Variants in ELMOD1 observed in about 807,000 individuals in gnomAD.
ELMOD1 encodes ELMO domain-containing protein 1.
In ELMOD1, 21 loss-of-function variants were observed where a neutral mutation model predicts 46.7. The ratio of observed to expected loss-of-function variants is 0.45; its 90% CI spans 0.32 to 0.65. ELMOD1 has a LOEUF of 0.65. Among genes scored for constraint, ELMOD1 ranks in the 30% least tolerant of loss-of-function variants. ELMOD1 has a pLI of 0.04. For synonymous variants in ELMOD1, 122 were observed against 138.2 expected, an observed-to-expected ratio of 0.88 and a Z score of 0.82; for missense variants, 348 against 407.8, an observed-to-expected ratio of 0.85 and a Z score of 1.26.
At chr11:107,638,442 G>T (rs1448489728) in intron 6 of ELMOD1, among the ~76,000 whole-genome samples, 2 of 152,190 alleles carry the variant, frequency 1.3e-5, no homozygotes, top group Non-Finnish European at 2.9e-5. Context: ...AAGCTGAGCA[G>T]TGAAGTGGCT....
chr11:107,607,908 C>A (rs561358947), intron 1 of ELMOD1, among the ~76,000 whole-genome samples: 1 of 151,226 alleles, frequency 6.6e-6, no homozygotes, highest in South Asian at 2.1e-4. Context: ...TATTACTGAT[C>A]TTGAATGTAT....
At chr11:107,592,353 G>C (rs1250603600) in intron 1 of ELMOD1, 1 of 534,086 alleles carries the variant, frequency 1.9e-6, no homozygotes, top group Admixed American at 1.9e-5. Context: ...GTGGGCCGTA[G>C]ATTGGTACTA....
intron 6 of ELMOD1, among the ~76,000 whole-genome samples, chr11:107,641,266 T>C (rs1866317497): frequency 1.3e-5 from 2 of 151,762 alleles, no homozygotes; most frequent in African/African-American, 4.8e-5. Flanking sequence ...CACTCCTACC[T>C]GGGTGACAGA....
chr11:107,655,053 AC>A (rs1174980721), intron 10 of ELMOD1, among the ~76,000 whole-genome samples: 2 of 152,172 alleles, frequency 1.3e-5, no homozygotes, highest in African/African-American at 4.8e-5. Flanking sequence ...AAAAGTAATT[AC>A]AATTTATTAT....
chr11:107,653,444 A>G (rs1866561369), intron 9 of ELMOD1: 1 of 152,174 alleles, frequency 6.6e-6, no homozygotes, highest in South Asian at 2.1e-4. Flanking sequence ...CAAAGATGAA[A>G]ATGGAGCTGC....
chr11:107,604,704 C>G (rs1865658619), intron 1 of ELMOD1, among the ~76,000 whole-genome samples: 1 of 152,320 alleles, frequency 6.6e-6, no homozygotes, highest in Admixed American at 6.5e-5. Flanking sequence ...AAACATCTGT[C>G]AAGCCATGCA....
intron 6 of ELMOD1, among the ~76,000 whole-genome samples, chr11:107,646,010 A>T (rs1866421170): frequency 6.6e-6 from 1 of 152,224 alleles, no homozygotes; most frequent in African/African-American, 2.4e-5. Flanking sequence ...AGCAATTTAG[A>T]AATTGAATTA....
intron 5 of ELMOD1, among the ~76,000 whole-genome samples, chr11:107,633,806 G>A (rs942639404): frequency 5.9e-5 from 9 of 151,872 alleles, no homozygotes; most frequent in Admixed American, 6.6e-5. Flanking sequence ...CAAAATTAAC[G>A]CTATTCTCCA....
chr11:107,655,904 C>G (rs1866621739), intron 10 of ELMOD1, 29 bp from the exon 11 acceptor site: 1 of 1,594,440 alleles, frequency 6.3e-7, no homozygotes, highest in Non-Finnish European at 8.6e-7. Flanking sequence ...ATGTGACACA[C>G]AGTTGGTTTT....
At position 107,654,145 on chromosome 11, in the gene ELMOD1, T is replaced by G. The variant is rs191244260; in HGVS notation, c.648-27T>G. Reference sequence around the variant, plus strand: ...TACCAATTAGAGGTTAAATCTGACTTACTTACTTATTCATTCATCCATTCA... The same window carrying G: ...TACCAATTAGAGGTTAAATCTGACTGACTTACTTATTCATTCATCCATTCA... On this transcript the variant is annotated intron_variant, in intron 9 of 11. Coordinates refer to ENST00000265840, the MANE Select transcript of ELMOD1 (RefSeq NM_018712.4). 1,475 of 1,556,128 alleles carry G rather than the reference T, an allele frequency of 9.5e-4. 1 individual carries two copies. Among genetic ancestry groups the G allele is most frequent in the Non-Finnish European group, 1.2e-3 (1,356 of 1,147,122 alleles).
At chr11:107,664,487 T>C (rs995593557) in intron 11 of ELMOD1, among the ~76,000 whole-genome samples, 1 of 152,246 alleles carries the variant, frequency 6.6e-6, no homozygotes, top group African/African-American at 2.4e-5. Flanking sequence ...GGAAGTCTTA[T>C]TAACAATTTC....
At chr11:107,626,332 T>C (rs1866039922) in intron 2 of ELMOD1, among the ~76,000 whole-genome samples, 1 of 140,578 alleles carries the variant, frequency 7.1e-6, no homozygotes, top group South Asian at 2.2e-4. Flanking sequence ...GGGTTCTGTC[T>C]CACAGGTACA....
At chr11:107,662,470 C>A (rs1229781950) in intron 11 of ELMOD1, among the ~76,000 whole-genome samples, 1 of 151,012 alleles carries the variant, frequency 6.6e-6, no homozygotes, top group Non-Finnish European at 1.5e-5. Flanking sequence ...ATCAGCCAGG[C>A]GTGGTGGCGC....
intron 1 of ELMOD1, chr11:107,591,852 A>C (rs958470879): frequency 8.4e-6 from 4 of 477,450 alleles, no homozygotes; most frequent in Non-Finnish European, 1.3e-5. Context: ...TCCAGGGAGG[A>C]GCTAGGCAGC....
intron 1 of ELMOD1, among the ~76,000 whole-genome samples, chr11:107,602,269 T>A (rs1865613188): frequency 1.3e-5 from 2 of 152,224 alleles, no homozygotes; most frequent in Admixed American, 6.5e-5. Flanking sequence ...CTGGAAACTT[T>A]CTTGTGAAAT....
chr11:107,591,338 T>G lies in ELMOD1; in HGVS notation c.-157T>G, dbSNP rs937180975. ...CCGCGGAGCGCGTAGCCGGAGCGCC[T>G]GGGGAAGGCGGAGATGAAGACCACG... On this transcript the variant is annotated 5_prime_UTR_variant, in exon 1 of 12. Transcript: ENST00000265840. The G allele has an allele frequency of 6.6e-6, 1 of 152,344 alleles. No homozygotes were observed. The highest frequency in any genetic ancestry group is 1.5e-5 in the Non-Finnish European group (1 of 68,292). 9.4% of individuals were successfully genotyped at this position (152,344 alleles called of 1,614,324 possible). A position where few individuals can be genotyped will look rare whatever the true frequency, so the allele number is the denominator to read the frequency against.
At chr11:107,642,212 G>A (rs949820601) in intron 6 of ELMOD1, among the ~76,000 whole-genome samples, 2 of 151,970 alleles carry the variant, frequency 1.3e-5, no homozygotes, top group Non-Finnish European at 2.9e-5. Context: ...AAAGTGCTGG[G>A]ATTACAGGCC....
chr11:107,628,136 T>C (rs945673832), intron 2 of ELMOD1, among the ~76,000 whole-genome samples: 1 of 151,960 alleles, frequency 6.6e-6, no homozygotes, highest in Non-Finnish European at 1.5e-5. Flanking sequence ...TGAAAAACAT[T>C]TTCCAAGAGA....
chr11:107,650,300 TA>T, intron 7 of ELMOD1, 34 bp from the exon 8 acceptor site: 1 of 1,483,066 alleles, frequency 6.7e-7, no homozygotes, highest in Non-Finnish European at 9.2e-7. Context: ...AGTAAGCAAG[TA>T]TAGAGTTACG....
Sources: allele counts gnomAD v4.1 joint callset (sites outside exome capture counted in the v4.1 genomes callset), GRCh38; gene constraint gnomAD v4.1.1; transcripts MANE v1.5; gene names NCBI Gene and HGNC (gene_info 2026-07-23, HGNC 2026-07-21).